Variants in CELSR1 observed in about 807,000 individuals in gnomAD.
The protein encoded by CELSR1 is adhesion G protein-coupled receptor C1.
In CELSR1, 110 loss-of-function variants were observed where a neutral mutation model predicts 249.1. That is an observed-to-expected ratio of 0.44 (90% CI 0.38 to 0.52). CELSR1 has a LOEUF of 0.52. Among genes scored for constraint, CELSR1 ranks in the 20% least tolerant of loss-of-function variants. CELSR1 has a pLI of 0.00. For synonymous variants in CELSR1, 2,113 were observed against 1,900.0 expected, an observed-to-expected ratio of 1.11 and a Z score of -2.92; for missense variants, 4,109 against 4,296.4, an observed-to-expected ratio of 0.96 and a Z score of 1.22.
Position 46,429,643 on chromosome 22 carries a change from G to C in CELSR1, c.4611+3750C>G, listed in dbSNP as rs941962794. Among the ~76,000 whole-genome samples the C allele has an allele frequency of 3.3e-5, 5 of 152,238 alleles. No individual in the cohort carries two copies. Among genetic ancestry groups the C allele is most frequent in the Admixed American group, 1.3e-4 (2 of 15,284 alleles). ...CAGACTCTGCCTGCTCCCTGCCTGG[G>C]AGGGTTCCCTACCCCATGGCTTCTG... On this transcript the variant is annotated intron_variant, in intron 5 of 34. Coordinates refer to ENST00000674500, the MANE Select transcript of CELSR1 (RefSeq NM_001378328.1). The surrounding 1 kb of genome is among the most constrained non-coding windows in gnomAD (Gnocchi z 4.1).
At chr22:46,493,375 ATCTCTACTAAAAATACAAAAATT>A (rs1238736206) in intron 1 of CELSR1, among the ~76,000 whole-genome samples, 2 of 152,006 alleles carry the variant, frequency 1.3e-5, no homozygotes, top group African/African-American at 4.8e-5. Context: ...GTGAAAACCC[ATCTCTACTAAAAATACAAAAATT>A]AGCTGGGTGT....
intron 24 of CELSR1, among the ~76,000 whole-genome samples, chr22:46,375,539 CTTTTT>C (rs971800051): frequency 8.3e-6 from 1 of 120,582 alleles, no homozygotes; most frequent in Non-Finnish European, 1.7e-5. Flanking sequence ...CTGCCAGGCT[CTTTTT>C]TTTTTTTTTT....
rs369927779 is a variant in CELSR1, at chr22:46,464,358, G to A, written c.3545-13C>T. On this transcript the variant is annotated splice_polypyrimidine_tract_variant and intron_variant, in intron 1 of 34. Transcript: ENST00000674500. The surrounding 1 kb of genome is among the most constrained non-coding windows in gnomAD (Gnocchi z 8.5). ...CTGTGGATGCCATCTGCAGACACAA[G>A]GAAAGTCAGGGTCATTCAGATGCTG... is the stretch of plus-strand genomic sequence containing the variant. 240 of 1,603,544 alleles carry A rather than the reference G, an allele frequency of 1.5e-4. No individual in the cohort carries two copies. The highest frequency in any genetic ancestry group is 2.0e-4 in the Non-Finnish European group (233 of 1,174,812).
chr22:46,414,206 T>C (rs760761283), intron 5 of CELSR1, among the ~76,000 whole-genome samples: 20 of 152,076 alleles, frequency 1.3e-4, no homozygotes, highest in Non-Finnish European at 2.6e-4. Context: ...GCACAGGGCG[T>C]TTAGGAAACG....
At position 46,412,317 on chromosome 22, in the gene CELSR1, T is replaced by C. The variant is rs956464911; in HGVS notation, c.4612-558A>G. 6.6e-6 allele frequency among the ~76,000 whole-genome samples: 1 copy of C among 152,194 alleles called. No individual in the cohort carries two copies. The highest frequency in any genetic ancestry group is 1.5e-5 in the Non-Finnish European group (1 of 68,028). On this transcript the variant is annotated intron_variant, in intron 5 of 34. Transcript: ENST00000674500. The surrounding 1 kb of genome is among the most constrained non-coding windows in gnomAD (Gnocchi z 4.5). Reference sequence around the variant, plus strand: ...CCACCCTGTCCGTGGTACTTTGTGATGGTGGCCCCAGGAAATGAAGTTGCA... The same window carrying C: ...CCACCCTGTCCGTGGTACTTTGTGACGGTGGCCCCAGGAAATGAAGTTGCA...
chr22:46,373,760 A>G (rs2078887393), intron 24 of CELSR1, among the ~76,000 whole-genome samples: 1 of 147,424 alleles, frequency 6.8e-6, no homozygotes, highest in African/African-American at 2.7e-5. Context: ...GGAGGGTCCC[A>G]CCACCCTGAC....
chr22:46,529,306 T>C (rs1277538407), intron 1 of CELSR1, among the ~76,000 whole-genome samples: 1 of 151,266 alleles, frequency 6.6e-6, no homozygotes, highest in Admixed American at 6.6e-5. Flanking sequence ...TGCAACAACC[T>C]GGATGGAACT....
Position 46,401,370 on chromosome 22 carries a change from T to C in CELSR1, c.5227-1468A>G, listed in dbSNP as rs2079209133. Among the ~76,000 whole-genome samples the C allele has an allele frequency of 6.6e-6, 1 of 152,120 alleles. No individual in the cohort carries two copies. The highest frequency in any genetic ancestry group is 1.9e-4 in the East Asian group (1 of 5,194). ...AATCACCTACGAACATGAGACAAAA[T>C]ATTAAAGAATGTCTGTTTGAAGACA... On this transcript the variant is annotated intron_variant, in intron 9 of 34. Transcript: ENST00000674500. The surrounding 1 kb of genome is among the most constrained non-coding windows in gnomAD (Gnocchi z 4.7).
chr22:46,394,291 A>C (rs1399107573), intron 13 of CELSR1, 29 bp from the exon 14 acceptor site: 1 of 1,602,626 alleles, frequency 6.2e-7, no homozygotes, highest in African/African-American at 1.3e-5. Flanking sequence ...GGCAGCTGGA[A>C]GGTTTATGTA....
intron 2 of CELSR1, among the ~76,000 whole-genome samples, chr22:46,455,544 G>A (rs754127297): frequency 7.2e-5 from 11 of 152,140 alleles, no homozygotes; most frequent in Non-Finnish European, 1.3e-4. Context: ...CAAGTGATCC[G>A]TTTGCCTCGC....
chr22:46,367,760 T>C lies in CELSR1; in HGVS notation c.8048A>G (p.His2683Arg). 1 of 1,608,048 alleles carries C rather than the reference T, an allele frequency of 6.2e-7. No individual in the cohort carries two copies. Among genetic ancestry groups the C allele is most frequent in the Non-Finnish European group, 8.5e-7 (1 of 1,178,218 alleles). Residue 2683 changes from histidine (H) to arginine (R), a missense_variant, in exon 28 of 35, where the codon CAC (histidine) becomes CGC (arginine). By Grantham distance (29) the His-to-Arg change is conservative (BLOSUM62 0). Around this residue, in one of 7 missense-constraint regions of CELSR1, gnomAD observed 1,805 missense variants for 1,831.6 expected, o/e 0.99. Coordinates refer to ENST00000674500, the MANE Select transcript of CELSR1 (RefSeq NM_001378328.1). ...GCCGCTGAAGATGGCGAAGAGGTAG[T>C]GAAAGCTCAGTGCATCGCGGTTCAC... ...LAVNRDALSF[H>R]YLFAIFSGLQ...
chr22:46,392,201 G>A (rs1429188616), intron 14 of CELSR1, among the ~76,000 whole-genome samples: 5 of 152,238 alleles, frequency 3.3e-5, no homozygotes, highest in Non-Finnish European at 5.9e-5. Context: ...GTCCACCATT[G>A]GGTGGGTCAG....
At chr22:46,414,120 G>A (rs146675893) in intron 5 of CELSR1, among the ~76,000 whole-genome samples, 1 of 152,302 alleles carries the variant, frequency 6.6e-6, no homozygotes, top group African/African-American at 2.4e-5. Flanking sequence ...TGTTTTTCGA[G>A]TGGCACTGAC....
chr22:46,496,231 TAAC>T (rs2080412532), intron 1 of CELSR1, among the ~76,000 whole-genome samples: 1 of 149,456 alleles, frequency 6.7e-6, no homozygotes, highest in Admixed American at 6.7e-5. Flanking sequence ...GACTCTTTTG[TAAC>T]AACACTTAGC....
chr22:46,388,633 G>A (rs1293445555), intron 18 of CELSR1, among the ~76,000 whole-genome samples: 1 of 152,184 alleles, frequency 6.6e-6, no homozygotes, highest in Non-Finnish European at 1.5e-5. Flanking sequence ...CACTCCTCTG[G>A]GGGTCCTGTC....
chr22:46,421,893 C>T (rs778569265), intron 5 of CELSR1, among the ~76,000 whole-genome samples: 14 of 152,212 alleles, frequency 9.2e-5, no homozygotes, highest in Non-Finnish European at 1.9e-4. Flanking sequence ...CCACGGAACA[C>T]CTGGGGAGCA....
At position 46,380,659 on chromosome 22, in the gene CELSR1, G is replaced by T; in HGVS notation, c.7256+129C>A. 1 of 1,068,758 alleles carries T rather than the reference G, an allele frequency of 9.4e-7. No homozygotes were observed. The highest frequency in any genetic ancestry group is 1.3e-6 in the Non-Finnish European group (1 of 741,652). 66.2% of individuals were successfully genotyped at this position (1,068,758 alleles called of 1,614,324 possible). A position where few individuals can be genotyped will look rare whatever the true frequency, so the allele number is the denominator to read the frequency against. On this transcript the variant is annotated intron_variant, in intron 22 of 34. Transcript: ENST00000674500. The surrounding 1 kb of genome is among the most constrained non-coding windows in gnomAD (Gnocchi z 5.1). ...GCAGGAGGCTCACTGCCCCCACGGG[G>T]GACTTAAAGGGGAAACACAGACCAC...
rs1427737585 is a variant in CELSR1, at chr22:46,517,263, G to C, written c.3544+16364C>G. ...CACCTTTGCTCTGGCAAAAAATGCT[G>C]GGCCGATGACCCGCAGGAAAAACAG... On this transcript the variant is annotated intron_variant, in intron 1 of 34. Transcript: ENST00000674500. This position sits in a 1 kb window ranked among gnomAD's most constrained non-coding sequence, Gnocchi z 5.4. Among the ~76,000 whole-genome samples, 1 of 152,218 alleles carries C rather than the reference G, an allele frequency of 6.6e-6. No homozygotes were observed. Among genetic ancestry groups the C allele is most frequent in the Non-Finnish European group, 1.5e-5 (1 of 68,038 alleles).
At chr22:46,470,044 A>G (rs1423669914) in intron 1 of CELSR1, among the ~76,000 whole-genome samples, 1 of 99,136 alleles carries the variant, frequency 1.0e-5, no homozygotes, top group Admixed American at 1.2e-4. Context: ...TTTAACTCCA[A>G]CATCAACATT....
Sources: gnomAD v4.1 joint callset for allele counts (sites outside exome capture counted in the v4.1 genomes callset) on GRCh38, gnomAD v4.1.1 for gene constraint, gnomAD v4.1.1 regional missense constraint, Gnocchi (gnomAD v3.1) non-coding constraint, MANE v1.5 for transcripts, NCBI Gene and HGNC (gene_info 2026-07-23, HGNC 2026-07-21) for gene names.